Variants in RIMS2 observed in about 807,000 individuals in gnomAD.
The protein encoded by RIMS2 is regulating synaptic membrane exocytosis protein 2.
A neutral mutation model predicts 174.4 loss-of-function variants in RIMS2; 59 were observed. The observed-to-expected ratio is 0.34, with a 90% confidence interval of 0.27 to 0.42. RIMS2 has a LOEUF of 0.42. Among genes scored for constraint, RIMS2 ranks in the 10% least tolerant of loss-of-function variants. The probability of loss-of-function intolerance (pLI) is 1.00; values close to 1 mark genes in which losing one functional copy is unlikely to be tolerated. For synonymous variants in RIMS2, 606 were observed against 572.5 expected (o/e 1.06, Z -0.84); for missense variants, 1,620 against 1,666.3 (o/e 0.97, Z 0.48).
intron 19 of RIMS2, among the ~76,000 whole-genome samples, chr8:104,039,826 G>A (rs565379826): frequency 1.3e-5 from 2 of 151,768 alleles, no homozygotes; most frequent in South Asian, 2.1e-4. Flanking sequence ...ATTTTAATGT[G>A]TATTAGTATA....
rs1182983785 is a variant in RIMS2, at chr8:103,749,653, A to G, written c.388-16574A>G. On this transcript the variant is annotated intron_variant, in intron 2 of 23. Coordinates refer to ENST00000504942, the Ensembl canonical transcript of RIMS2. ...TTCATGCTTATTACTGGAAGTAAATATGCATTTGACATAAATATATTAGTT... is the reference window on the plus strand; with the variant it reads ...TTCATGCTTATTACTGGAAGTAAATGTGCATTTGACATAAATATATTAGTT... Among the ~76,000 whole-genome samples, 5 of 152,266 alleles carry G rather than the reference A, an allele frequency of 3.3e-5. No individual in the cohort carries two copies. In the South Asian group the frequency reaches 1.0e-3, roughly 32 times the overall value.
intron 1 of RIMS2, among the ~76,000 whole-genome samples, chr8:103,504,022 G>A (rs1419871966): frequency 1.3e-5 from 2 of 151,964 alleles, no homozygotes; most frequent in African/African-American, 2.4e-5. Context: ...ATATGAGCGA[G>A]GTACTATAAT....
chr8:103,963,468 C>T (rs1382760498), intron 15 of RIMS2, among the ~76,000 whole-genome samples: 1 of 152,154 alleles, frequency 6.6e-6, no homozygotes, highest in Non-Finnish European at 1.5e-5. Context: ...CTAACTTATT[C>T]AGTTTTTCTA....
At chr8:103,829,148 A>C (rs1311216260) in intron 3 of RIMS2, among the ~76,000 whole-genome samples, 1 of 151,118 alleles carries the variant, frequency 6.6e-6, no homozygotes, top group East Asian at 1.9e-4. Context: ...AAAATGTTCA[A>C]TAGCTCTAAT....
At chr8:103,794,078 A>G (rs528151493) in intron 3 of RIMS2, among the ~76,000 whole-genome samples, 3 of 152,298 alleles carry the variant, frequency 2.0e-5, no homozygotes, top group African/African-American at 2.4e-5. Context: ...ATTGAAAAAA[A>G]CTATGTTAAA....
At chr8:103,995,297 C>A (rs2095014239) in intron 17 of RIMS2, among the ~76,000 whole-genome samples, 1 of 152,096 alleles carries the variant, frequency 6.6e-6, no homozygotes, top group African/African-American at 2.4e-5. Context: ...TCTAGCCAGA[C>A]AAATTATCCT....
At chr8:103,577,608 A>G (rs1238262360) in intron 1 of RIMS2, among the ~76,000 whole-genome samples, 1 of 152,220 alleles carries the variant, frequency 6.6e-6, no homozygotes, top group Non-Finnish European at 1.5e-5. Flanking sequence ...CTTAAAGTAT[A>G]ATTTTAAAAA....
chr8:103,514,680 T>C lies in RIMS2; in HGVS notation c.176+13618T>C, dbSNP rs930166216. ...TTATTCCAAGGTTGTTTAATGATTA[T>C]CTTTTCAAATTCCTGTTGGTCACCA... On this transcript the variant is annotated intron_variant, in intron 1 of 23. Coordinates refer to ENST00000504942, the Ensembl canonical transcript of RIMS2. Among the ~76,000 whole-genome samples, 7 of 152,188 alleles carry C rather than the reference T, an allele frequency of 4.6e-5. 1 individual carries two copies. Among genetic ancestry groups the C allele is most frequent in the South Asian group, 2.1e-4 (1 of 4,836 alleles).
intron 2 of RIMS2, among the ~76,000 whole-genome samples, chr8:103,715,508 A>G (rs7824357): frequency 0.01 from 1,549 of 152,302 alleles, 30 homozygotes; most frequent in African/African-American, 0.035. Flanking sequence ...GTGATATCTC[A>G]AAACACATGA....
Position 103,785,093 on chromosome 8 carries a change from T to G in RIMS2, c.698+18556T>G, listed in dbSNP as rs1321079372. Among the ~76,000 whole-genome samples, 10 of 142,312 alleles carry G rather than the reference T, an allele frequency of 7.0e-5. 1 individual carries two copies. The highest frequency in any genetic ancestry group is 2.7e-4 in the African/African-American group (10 of 37,422). 93.4% of individuals were successfully genotyped at this position (142,312 alleles called of 152,430 possible). A position where few individuals can be genotyped will look rare whatever the true frequency, so the allele number is the denominator to read the frequency against. On this transcript the variant is annotated intron_variant, in intron 3 of 23. Transcript: ENST00000504942. ...TTTGTCTGTTATTGGTGCGTAAGAA[T>G]GCTTGTGATTTTTGTACATTGATTT...
At chr8:103,834,742 T>TTCTTTCTTTCTTTCTCTCTCTCTC (rs1406395709) in intron 3 of RIMS2, among the ~76,000 whole-genome samples, 10 of 109,582 alleles carry the variant, frequency 9.1e-5, no homozygotes, top group African/African-American at 3.4e-4. Context: ...CTTTCTTTCT[T>TTCTTTCTTTCTTTCTCTCTCTCTC]TCTCTCTCTT....
At chr8:104,221,724 A>G (rs2099156264) in intron 19 of RIMS2, among the ~76,000 whole-genome samples, 1 of 152,240 alleles carries the variant, frequency 6.6e-6, no homozygotes, top group Non-Finnish European at 1.5e-5. Flanking sequence ...TTTTCTTACC[A>G]TGGAACTCTT....
intron 3 of RIMS2, among the ~76,000 whole-genome samples, chr8:103,829,756 C>G (rs192201104): frequency 0.022 from 3,403 of 152,194 alleles, 61 homozygotes; most frequent in Middle Eastern, 0.065. Flanking sequence ...CTATCAGGTA[C>G]TATGCTCATT....
chr8:104,022,247 TTTG>T (rs1382069815), intron 19 of RIMS2, among the ~76,000 whole-genome samples: 7 of 152,098 alleles, frequency 4.6e-5, no homozygotes. Flanking sequence ...CAAAGGCAGT[TTTG>T]TTTTGGGGAA....
At chr8:104,214,440 C>G (rs992489110) in intron 19 of RIMS2, among the ~76,000 whole-genome samples, 2 of 151,976 alleles carry the variant, frequency 1.3e-5, no homozygotes, top group Non-Finnish European at 2.9e-5. Context: ...CAGACAAACC[C>G]TTATTGAAAG....
At position 103,918,423 on chromosome 8, in the gene RIMS2, T is replaced by C; in HGVS notation, c.2037-18T>C. The stretch of plus-strand genomic sequence containing the variant: ...TTGAAACAGTTTCTGTCTTTCTTTT[T>C]TTTTTTAATCATTTCAGAGATATAC... On this transcript the variant is annotated intron_variant, in intron 8 of 23. Coordinates refer to ENST00000504942, the Ensembl canonical transcript of RIMS2. 6.6e-7 allele frequency: 1 copy of C among 1,520,914 alleles called. No individual in the cohort carries two copies. The highest frequency in any genetic ancestry group is 8.9e-7 in the Non-Finnish European group (1 of 1,125,998). The allele number at this position is 1,520,914 out of a possible 1,614,324, so 94.2% of individuals were successfully genotyped here.
downstream of RIMS2, chr8:104,254,170 C>T (rs2099364820): frequency 6.6e-6 from 1 of 150,736 alleles, no homozygotes; most frequent in Non-Finnish European, 1.5e-5. Flanking sequence ...TTTGTACATA[C>T]TTGTCATTAT....
intron 19 of RIMS2, among the ~76,000 whole-genome samples, chr8:104,124,648 T>C (rs1018981374): frequency 2.0e-5 from 3 of 152,226 alleles, no homozygotes; most frequent in Non-Finnish European, 4.4e-5. Context: ...TTGAGAACTA[T>C]TTTTCTAATT....
Position 103,557,620 on chromosome 8 carries a change from A to G in RIMS2, c.176+56558A>G, listed in dbSNP as rs149922340. Among the ~76,000 whole-genome samples, 939 of 152,318 alleles carry G rather than the reference A, an allele frequency of 6.2e-3. 11 individuals are homozygous for G. Among genetic ancestry groups the G allele is most frequent in the African/African-American group, 0.021 (887 of 41,562 alleles). On this transcript the variant is annotated intron_variant, in intron 1 of 23. Coordinates refer to ENST00000504942, the Ensembl canonical transcript of RIMS2. ...ATCAGATAAACCCTTGATAATTTCT[A>G]CCATACAGGAGTTTACATTCTCTAT...
Sources: allele counts gnomAD v4.1 joint callset (sites outside exome capture counted in the v4.1 genomes callset), GRCh38; gene constraint gnomAD v4.1.1; transcripts MANE v1.5; gene names NCBI Gene and HGNC (gene_info 2026-07-23, HGNC 2026-07-21).